Variants in SLC4A4 observed in about 807,000 individuals in gnomAD.
SLC4A4 encodes solute carrier family 4 member 4.
Under a neutral mutation model 111.5 loss-of-function variants are expected in SLC4A4, and 27 were observed. The observed-to-expected ratio is 0.24, with a 90% CI of 0.18 to 0.33. The LOEUF (loss-of-function observed/expected upper bound fraction) is 0.33, where lower values mean the gene tolerates loss of function less well. SLC4A4 is among the 10% of genes least tolerant of loss of function. The pLI is 1.00. For missense variants in SLC4A4, 909 were observed against 1,315.5 expected (o/e 0.69, Z 4.78); for synonymous variants, 443 against 463.4 (o/e 0.96, Z 0.57).
intron 7 of SLC4A4, among the ~76,000 whole-genome samples, chr4:71,421,662 A>G (rs183765042): frequency 1.3e-5 from 2 of 152,372 alleles, no homozygotes; most frequent in East Asian, 3.9e-4. Context: ...CAATCAAACT[A>G]GAACTCAGGA....
intron 24 of SLC4A4, among the ~76,000 whole-genome samples, chr4:71,564,504 A>G (rs888712038): frequency 1.3e-5 from 2 of 151,896 alleles, no homozygotes; most frequent in Non-Finnish European, 2.9e-5. Context: ...CCTGGTGACT[A>G]CGGTGCAATG....
intron 3 of SLC4A4, among the ~76,000 whole-genome samples, chr4:71,325,094 G>C (rs1422229980): frequency 6.6e-6 from 1 of 151,862 alleles, no homozygotes; most frequent in Non-Finnish European, 1.5e-5. Context: ...TAATTTGAAA[G>C]AGAAAAAGTA....
At chr4:71,086,205 T>A (rs1742165116) in intron 1 of SLC4A4, among the ~76,000 whole-genome samples, 1 of 151,752 alleles carries the variant, frequency 6.6e-6, no homozygotes, top group Non-Finnish European at 1.5e-5. Context: ...GCTCTCTGTT[T>A]GTCTGTTATT....
intron 6 of SLC4A4, among the ~76,000 whole-genome samples, chr4:71,383,646 G>A (rs74381727): frequency 0.02 from 3,032 of 152,254 alleles, 105 homozygotes; most frequent in African/African-American, 0.069. Flanking sequence ...CAGGGCAAAG[G>A]GAAAGAGAGG....
intron 14 of SLC4A4, among the ~76,000 whole-genome samples, chr4:71,485,923 G>A (rs1364251938): frequency 1.3e-5 from 2 of 151,380 alleles, no homozygotes; most frequent in African/African-American, 4.8e-5. Flanking sequence ...CCTCCCTTAT[G>A]GATCTCATAC....
chr4:71,384,458 C>T (rs1392258027), intron 6 of SLC4A4, among the ~76,000 whole-genome samples: 1 of 152,022 alleles, frequency 6.6e-6, no homozygotes, highest in Non-Finnish European at 1.5e-5. Context: ...AATGTGCAGT[C>T]AGCAAGACCT....
chr4:71,403,098 G>A (rs1440818534), intron 7 of SLC4A4, among the ~76,000 whole-genome samples: 1 of 152,150 alleles, frequency 6.6e-6, no homozygotes, highest in Non-Finnish European at 1.5e-5. Context: ...TAGAAAACTA[G>A]CATTCATTTA....
In SLC4A4 at chr4:71,268,275, C is replaced by T. The variant is rs564214095; in HGVS notation, c.253+12876C>T. The stretch of plus-strand genomic sequence containing the variant: ...AGTATAGAAGGTTGGAGGGGCAATT[C>T]ATTCTGGGTGAATATTTCAGTAACA... On this transcript the variant is annotated intron_variant, in intron 3 of 25. Transcript: ENST00000264485. 1.5e-3 allele frequency among the ~76,000 whole-genome samples: 229 copies of T among 152,178 alleles called. 1 individual carries two copies. Among genetic ancestry groups the T allele is most frequent in the Middle Eastern group, 3.4e-3 (1 of 294 alleles).
chr4:71,384,133 T>A (rs1161851457), intron 6 of SLC4A4, among the ~76,000 whole-genome samples: 1 of 152,132 alleles, frequency 6.6e-6, no homozygotes, highest in East Asian at 1.9e-4. Context: ...TTTTCCAGAG[T>A]AACTCTAGGA....
At chr4:71,364,016 A>T (rs1253963174) in intron 6 of SLC4A4, among the ~76,000 whole-genome samples, 2 of 152,156 alleles carry the variant, frequency 1.3e-5, no homozygotes, top group Admixed American at 1.3e-4. Flanking sequence ...CAAATGCATA[A>T]TGTTCAGATC....
intron 8 of SLC4A4, among the ~76,000 whole-genome samples, chr4:71,443,116 C>A (rs573241567): frequency 0.011 from 705 of 65,604 alleles, 7 homozygotes; most frequent in Middle Eastern, 0.019. Context: ...CTCTCTCTCT[C>A]TATATATATA....
At chr4:71,097,411 T>A (rs1286520385) in intron 2 of SLC4A4, among the ~76,000 whole-genome samples, 1 of 152,218 alleles carries the variant, frequency 6.6e-6, no homozygotes, top group African/African-American at 2.4e-5. Context: ...ACATTTTCTT[T>A]ACCCATCTGT....
At chr4:71,333,394 C>T (rs1253336303) in intron 3 of SLC4A4, among the ~76,000 whole-genome samples, 3 of 152,246 alleles carry the variant, frequency 2.0e-5, no homozygotes, top group Non-Finnish European at 2.9e-5. Flanking sequence ...GAAGAAGTCT[C>T]TCTTTCCATT....
At chr4:71,202,904 G>A (rs1035166944) in intron 1 of SLC4A4, among the ~76,000 whole-genome samples, 2 of 152,092 alleles carry the variant, frequency 1.3e-5, no homozygotes, top group Non-Finnish European at 2.9e-5. Flanking sequence ...AATCTGTTGT[G>A]GGTTCTATGC....
chr4:71,472,551 T>C, intron 13 of SLC4A4, 148 bp from the exon 14 acceptor site: 1 of 772,614 alleles, frequency 1.3e-6, no homozygotes, highest in South Asian at 1.7e-5. Context: ...TTAAACTTAG[T>C]GCTTTCTGGC....
At chr4:71,312,708 G>GA (rs1177179901) in intron 3 of SLC4A4, among the ~76,000 whole-genome samples, 2 of 152,156 alleles carry the variant, frequency 1.3e-5, no homozygotes, top group African/African-American at 2.4e-5. Flanking sequence ...AAAGGCCTTT[G>GA]AAAAAATTCA....
chr4:71,418,298 T>A (rs1296315253), intron 7 of SLC4A4, among the ~76,000 whole-genome samples: 1 of 152,232 alleles, frequency 6.6e-6, no homozygotes, highest in East Asian at 1.9e-4. Context: ...ATCAAATTTT[T>A]ACCCTCAGCA....
intron 16 of SLC4A4, among the ~76,000 whole-genome samples, chr4:71,530,108 G>C (rs1357030432): frequency 6.6e-6 from 1 of 152,006 alleles, no homozygotes; most frequent in Admixed American, 6.6e-5. Flanking sequence ...ACCAAAATTA[G>C]CTCTGAGTGG....
chr4:71,309,181 G>T (rs988671924), intron 3 of SLC4A4, among the ~76,000 whole-genome samples: 1 of 152,202 alleles, frequency 6.6e-6, no homozygotes, highest in Non-Finnish European at 1.5e-5. Flanking sequence ...ACTGGGCAGG[G>T]CATCTCTGAA....
Sources: allele counts gnomAD v4.1 joint callset (sites outside exome capture counted in the v4.1 genomes callset), GRCh38; gene constraint gnomAD v4.1.1; transcripts MANE v1.5; gene names NCBI Gene and HGNC (gene_info 2026-07-23, HGNC 2026-07-21).